SLIT3: variants seen among roughly 807,000 people sequenced by gnomAD.
SLIT3 encodes the protein slit homolog 3 protein.
SLIT3 carries 68 observed loss-of-function variants against 184.0 expected under a neutral mutation model. That is an observed-to-expected ratio of 0.37 (90% CI 0.30 to 0.45). SLIT3 has a LOEUF of 0.45. Among genes scored for constraint, SLIT3 ranks in the 20% least tolerant of loss-of-function variants. The pLI, the probability that SLIT3 is intolerant of heterozygous loss-of-function variation, is 1.00. For synonymous variants in SLIT3, 831 were observed against 828.6 expected, an observed-to-expected ratio of 1.00 and a Z score of -0.05; for missense variants, 1,707 against 2,026.0, an observed-to-expected ratio of 0.84 and a Z score of 3.02.
intron 4 of SLIT3, among the ~76,000 whole-genome samples, chr5:168,894,744 TG>T (rs2113814863): frequency 6.6e-6 from 1 of 152,266 alleles, no homozygotes; most frequent in East Asian, 1.9e-4. Context: ...ATTTGGAAAA[TG>T]CATTCAATCC....
At chr5:168,726,691 A>G (rs1415174939) in intron 20 of SLIT3, among the ~76,000 whole-genome samples, 1 of 151,926 alleles carries the variant, frequency 6.6e-6, no homozygotes, top group Non-Finnish European at 1.5e-5. Flanking sequence ...GCAGTTGAAG[A>G]GCCAGGTGTG....
chr5:168,964,897 G>C (rs749985810), intron 4 of SLIT3, among the ~76,000 whole-genome samples: 13 of 152,160 alleles, frequency 8.5e-5, no homozygotes, highest in Admixed American at 1.3e-4. Context: ...AGTGAAGAAG[G>C]CTCTAAAAGA....
In SLIT3 at chr5:168,671,691, A is replaced by G. The variant is rs545928994; in HGVS notation, c.3842-208T>C. On this transcript the variant is annotated intron_variant, in intron 33 of 35. Coordinates refer to ENST00000519560, the MANE Select transcript of SLIT3 (RefSeq NM_003062.4). ...ACTGGGACTCCTTAAAAAAACGTGA[A>G]TTTGTTGCCAATATGTAATATTAGA... Among the ~76,000 whole-genome samples, 6 of 152,316 alleles carry G rather than the reference A, an allele frequency of 3.9e-5. No individual in the cohort carries two copies. In the South Asian group the frequency reaches 8.3e-4, roughly 21 times the overall value.
intron 4 of SLIT3, among the ~76,000 whole-genome samples, chr5:169,053,994 G>A (rs1316719719): frequency 6.6e-6 from 1 of 152,122 alleles, no homozygotes; most frequent in Non-Finnish European, 1.5e-5. Context: ...GGGAAGCTGA[G>A]GCAGGAGAAT....
rs1006557749 is a variant in SLIT3, at chr5:169,150,492, C to T, written c.413+42987G>A. Among the ~76,000 whole-genome samples the T allele has an allele frequency of 3.2e-4, 48 of 151,114 alleles. 2 individuals carry two copies. Among genetic ancestry groups the T allele is most frequent in the African/African-American group, 1.2e-3 (47 of 40,866 alleles). ...CAGACTGGGATCGAGGAACAATTTC[C>T]CATCCCATTCTATTTCACTCACATA... On this transcript the variant is annotated intron_variant, in intron 4 of 35. Transcript: ENST00000519560.
intron 4 of SLIT3, among the ~76,000 whole-genome samples, chr5:169,006,605 T>A (rs12152784): frequency 0.076 from 10,998 of 145,412 alleles, 495 homozygotes; most frequent in Middle Eastern, 0.16. Context: ...TCTCTCTCTC[T>A]CACACACACA....
chr5:169,021,058 G>A (rs1274400190), intron 4 of SLIT3, among the ~76,000 whole-genome samples: 1 of 152,178 alleles, frequency 6.6e-6, no homozygotes, highest in Non-Finnish European at 1.5e-5. Flanking sequence ...TTCTAGAAAT[G>A]AGCTATGTGC....
At chr5:168,710,616 A>G (rs1762526513) in intron 25 of SLIT3, among the ~76,000 whole-genome samples, 1 of 152,096 alleles carries the variant, frequency 6.6e-6, no homozygotes. Context: ...ATGAAAAAAA[A>G]AAAAAGATAT....
intron 4 of SLIT3, among the ~76,000 whole-genome samples, chr5:169,150,721 CCTTGAACAAGAA>C (rs941457376): frequency 4.6e-5 from 7 of 152,104 alleles, no homozygotes; most frequent in South Asian, 4.2e-4. Flanking sequence ...TGCATTGTGA[CCTTGAACAAGAA>C]CTTGAACAAG....
intron 4 of SLIT3, among the ~76,000 whole-genome samples, chr5:169,097,123 C>T (rs1443027318): frequency 6.6e-6 from 1 of 152,168 alleles, no homozygotes; most frequent in African/African-American, 2.4e-5. Context: ...GGTTAAGATT[C>T]CTTGTTAGGA....
rs1365490825 is a variant in SLIT3, at chr5:169,287,025, G to C, written c.197+13488C>G. On this transcript the variant is annotated intron_variant, in intron 1 of 35. Coordinates refer to ENST00000519560, the MANE Select transcript of SLIT3 (RefSeq NM_003062.4). Reference sequence around the variant, plus strand: ...GAATGTACAAGGAGGGCACACGGCAGGGGGAAGCTTATGGGAAATGTTTCA... The same window carrying C: ...GAATGTACAAGGAGGGCACACGGCACGGGGAAGCTTATGGGAAATGTTTCA... 3.3e-5 allele frequency among the ~76,000 whole-genome samples: 5 copies of C among 152,224 alleles called. No homozygotes were observed. In the South Asian group the frequency reaches 6.2e-4, roughly 19 times the overall value.
intron 4 of SLIT3, among the ~76,000 whole-genome samples, chr5:168,962,309 A>AC (rs2113287877): frequency 9.5e-6 from 1 of 105,018 alleles, no homozygotes; most frequent in African/African-American, 4.3e-5. Context: ...CCCCCACCCC[A>AC]CAACACACAC....
chr5:168,970,499 T>TA (rs35085723), intron 4 of SLIT3, among the ~76,000 whole-genome samples: 68,062 of 127,346 alleles, frequency 0.53, 17,758 homozygotes, highest in African/African-American at 0.74. Context: ...CTGTCTCAAA[T>TA]AAAAAAAAAA....
At chr5:169,017,142 A>C (rs780327287) in intron 4 of SLIT3, among the ~76,000 whole-genome samples, 1 of 152,200 alleles carries the variant, frequency 6.6e-6, no homozygotes, top group Non-Finnish European at 1.5e-5. Flanking sequence ...GTCATTATGG[A>C]TCTTCAGTTA....
At chr5:168,952,892 G>A (rs1225545517) in intron 4 of SLIT3, among the ~76,000 whole-genome samples, 1 of 152,224 alleles carries the variant, frequency 6.6e-6, no homozygotes, top group Non-Finnish European at 1.5e-5. Context: ...GCAGGTGGGG[G>A]TTTATAGCCA....
intron 4 of SLIT3, among the ~76,000 whole-genome samples, chr5:168,971,885 G>A (rs1754589283): frequency 6.6e-6 from 1 of 152,210 alleles, no homozygotes; most frequent in Non-Finnish European, 1.5e-5. Flanking sequence ...CTACCTTCTA[G>A]GTTCTGAGGC....
chr5:168,773,487 C>G (rs957817853), intron 13 of SLIT3, among the ~76,000 whole-genome samples: 1 of 152,172 alleles, frequency 6.6e-6, no homozygotes, highest in South Asian at 2.1e-4. Flanking sequence ...GGCACGTGGT[C>G]GGCGTCAATA....
rs1360185748 is a variant in SLIT3 at position 168,665,703 on chromosome 5, G to A, written c.*751C>T. 2.0e-5 allele frequency: 3 copies of A among 149,968 alleles called. No homozygotes were observed. Among genetic ancestry groups the A allele is most frequent in the African/African-American group, 7.7e-5 (3 of 39,214 alleles). 9.3% of individuals were successfully genotyped at this position (149,968 alleles called of 1,614,324 possible). On this transcript the variant is annotated 3_prime_UTR_variant, in exon 36 of 36. Coordinates refer to ENST00000519560, the MANE Select transcript of SLIT3 (RefSeq NM_003062.4). The stretch of plus-strand genomic sequence containing the variant: ...CAGGAAGGAGAAGAGGGGTCCCCCA[G>A]TGGGTTCAGATACGGAAGCCAGGGC...
intron 4 of SLIT3, among the ~76,000 whole-genome samples, chr5:168,951,310 A>T (rs531738672): frequency 6.6e-6 from 1 of 152,202 alleles, no homozygotes; most frequent in Non-Finnish European, 1.5e-5. Context: ...CATCTAAGCC[A>T]TGGGGGGCAG....
Sources: allele counts gnomAD v4.1 joint callset (sites outside exome capture counted in the v4.1 genomes callset), GRCh38; gene constraint gnomAD v4.1.1; transcripts MANE v1.5; gene names NCBI Gene and HGNC (gene_info 2026-07-23, HGNC 2026-07-21).